LIMD2: variants seen among roughly 807,000 people sequenced by gnomAD.
LIMD2 encodes LIM domain containing 2, also known as LIM domain-containing protein 2.
In LIMD2, 11 loss-of-function variants were observed where a neutral mutation model predicts 16.0. The ratio of observed to expected loss-of-function variants is 0.69; its 90% CI spans 0.43 to 1.14. LIMD2 has a LOEUF of 1.14. Among genes scored for constraint, LIMD2 ranks in the 50% most tolerant of loss-of-function variants. The probability of loss-of-function intolerance (pLI) is 0.00; values close to 1 mark genes in which losing one functional copy is unlikely to be tolerated. For missense variants in LIMD2, 168 were observed against 165.8 expected (o/e 1.01, Z -0.07); for synonymous variants, 60 against 67.1 (o/e 0.89, Z 0.52).
At position 63,698,323 on chromosome 17, in the gene LIMD2, GA is replaced by G; in HGVS notation, c.*228del. On this transcript the variant is annotated 3_prime_UTR_variant, in exon 5 of 5. Transcript: ENST00000259006. ...TGGGGAGGGAGGCTGAACGAAGCAGGAAGCAGGGTGGTGGGCAGACCCCAAT... is the reference window on the plus strand; with the variant it reads ...TGGGGAGGGAGGCTGAACGAAGCAGGAGCAGGGTGGTGGGCAGACCCCAAT... 1.7e-6 allele frequency: 1 copy of G among 595,514 alleles called. No homozygotes were observed. The allele number at this position is 595,514 out of a possible 1,614,324, so 36.9% of individuals were successfully genotyped here. A position where few individuals can be genotyped will look rare whatever the true frequency, so the allele number is the denominator to read the frequency against.
Position 63,698,183 on chromosome 17 carries a change from G to T in LIMD2, c.*369C>A, listed in dbSNP as rs936855498. On this transcript the variant is annotated 3_prime_UTR_variant, in exon 5 of 5. Transcript: ENST00000259006. Reference sequence around the variant, plus strand: ...AGACGTGGGGGCCACACAGTCTCCGGTGGCAGTGAGGGAGCTTGGGACCCT... The same window carrying T: ...AGACGTGGGGGCCACACAGTCTCCGTTGGCAGTGAGGGAGCTTGGGACCCT... 1 of 263,434 alleles carries T rather than the reference G, an allele frequency of 3.8e-6. No homozygotes were observed. Among genetic ancestry groups the T allele is most frequent in the Non-Finnish European group, 7.4e-6 (1 of 134,340 alleles). 16.3% of individuals were successfully genotyped at this position (263,434 alleles called of 1,614,324 possible).
At position 63,698,718 on chromosome 17, in the gene LIMD2, A is replaced by G; in HGVS notation, c.225-7T>C. ...CGCGGCGTAGCTGCCCAGGCTGCAGAAGCCAAACAACGGCGTCAGGTCAGG... is the reference window on the plus strand; with the variant it reads ...CGCGGCGTAGCTGCCCAGGCTGCAGGAGCCAAACAACGGCGTCAGGTCAGG... On this transcript the variant is annotated splice_polypyrimidine_tract_variant and splice_region_variant and intron_variant, in intron 4 of 4. Coordinates refer to ENST00000259006, the MANE Select transcript of LIMD2 (RefSeq NM_030576.4). 6.2e-7 allele frequency: 1 copy of G among 1,613,396 alleles called. No individual in the cohort carries two copies. The highest frequency in any genetic ancestry group is 1.3e-5 in the African/African-American group (1 of 75,016).
Position 63,696,432 on chromosome 17 carries a change from G to A in LIMD2, c.*2120C>T, listed in dbSNP as rs1403509843. ...CAAGCAGAAGAGAACTTGACTCCAAGTAGAGGGGTCCTGGGGTGATCTGGC... is the reference window on the plus strand; with the variant it reads ...CAAGCAGAAGAGAACTTGACTCCAAATAGAGGGGTCCTGGGGTGATCTGGC... On this transcript the variant is annotated 3_prime_UTR_variant, in exon 5 of 5. Transcript: ENST00000259006. 6.6e-6 allele frequency: 1 copy of A among 152,306 alleles called. No homozygotes were observed. Among genetic ancestry groups the A allele is most frequent in the Non-Finnish European group, 1.5e-5 (1 of 68,054 alleles). The allele number at this position is 152,306 out of a possible 1,614,324, so 9.4% of individuals were successfully genotyped here. A position where few individuals can be genotyped will look rare whatever the true frequency, so the allele number is the denominator to read the frequency against.
At position 63,696,604 on chromosome 17, in the gene LIMD2, G is replaced by A. The variant is rs144691279; in HGVS notation, c.*1948C>T. 564 of 152,522 alleles carry A rather than the reference G, an allele frequency of 3.7e-3. 1 individual carries two copies. Among genetic ancestry groups the A allele is most frequent in the Non-Finnish European group, 6.7e-3 (455 of 68,206 alleles). 9.4% of individuals were successfully genotyped at this position (152,522 alleles called of 1,614,324 possible). A position where few individuals can be genotyped will look rare whatever the true frequency, so the allele number is the denominator to read the frequency against. On this transcript the variant is annotated 3_prime_UTR_variant, in exon 5 of 5. Transcript: ENST00000259006. ...GAACGTCACCAGTGGCTGAGTTCCC[G>A]GAGCTTTCATGATATTTGGTAGGGT...
chr17:63,700,160 G>GCACCGCCCCCGCCGGC, upstream of LIMD2: 1 of 982,272 alleles, frequency 1.0e-6, no homozygotes, highest in Non-Finnish European at 1.2e-6. This position sits in a 1 kb window ranked among gnomAD's most constrained non-coding sequence, Gnocchi z 7.1. Context: ...CCTTATCGCT[G>GCACCGCCCCCGCCGGC]CACCGCCCCC....
chr17:63,699,166 A>G (rs991125018), intron 2 of LIMD2, 91 bp downstream of exon 2: 2 of 1,585,846 alleles, frequency 1.3e-6, no homozygotes, highest in Non-Finnish European at 1.7e-6. Flanking sequence ...GCCGCAGGGC[A>G]CAAAGGGGGC....
chr17:63,698,751 G>A, intron 4 of LIMD2, 40 bp from the exon 5 acceptor site: 2 of 1,612,998 alleles, frequency 1.2e-6, no homozygotes, highest in East Asian at 4.5e-5. Context: ...AGGTCAGGTC[G>A]GGGCTGGGTT....
chr17:63,698,794 C>T lies in LIMD2; in HGVS notation c.224+5G>A, dbSNP rs1051552913. The T allele has an allele frequency of 1.2e-6, 2 of 1,612,570 alleles. No homozygotes were observed. The highest frequency in any genetic ancestry group is 8.5e-7 in the Non-Finnish European group (1 of 1,179,840). ...GAGGCGGGGGCGGGCAGGGCAGGGG[C>T]GCACCTGAGCTTGGTGTGACAGTGC... On this transcript the variant is annotated splice_donor_5th_base_variant and intron_variant, in intron 4 of 4. Coordinates refer to ENST00000259006, the MANE Select transcript of LIMD2 (RefSeq NM_030576.4).
Position 63,698,659 on chromosome 17 carries a change from G to C in LIMD2, c.277C>G (p.Gln93Glu), listed in dbSNP as rs1294928415. 6.2e-7 allele frequency: 1 copy of C among 1,613,812 alleles called. No individual in the cohort carries two copies. The highest frequency in any genetic ancestry group is 8.5e-7 in the Non-Finnish European group (1 of 1,180,016). Reference sequence around the variant, plus strand: ...TTGCCTTTGCTCTTAAACAGCTGCTGGAAGTGGGGTTTGCAGTAGAACTCC... The same window carrying C: ...TTGCCTTTGCTCTTAAACAGCTGCTCGAAGTGGGGTTTGCAGTAGAACTCC... ...HGEFYCKPHF[Q>E]QLFKSKGNYD... is the part of the protein sequence containing the mutation. Residue 93 changes from glutamine to glutamate, a missense_variant, in exon 5 of 5, where the codon CAG becomes GAG. Gln to Glu is a conservative substitution (Grantham distance 29). Transcript: ENST00000259006.
chr17:63,698,405 A>G lies in LIMD2; in HGVS notation c.*147T>C, dbSNP rs978021477. 6.6e-6 allele frequency: 6 copies of G among 908,810 alleles called. No individual in the cohort carries two copies. Among genetic ancestry groups the G allele is most frequent in the East Asian group, 2.6e-5 (1 of 37,764 alleles). 56.3% of individuals were successfully genotyped at this position (908,810 alleles called of 1,614,324 possible). A position where few individuals can be genotyped will look rare whatever the true frequency, so the allele number is the denominator to read the frequency against. The stretch of plus-strand genomic sequence containing the variant: ...AGAAGGAAGAAGGAAGGAGTCCTGG[A>G]GCAGAGCCCTGCCCTGGTCCCCTAC... On this transcript the variant is annotated 3_prime_UTR_variant, in exon 5 of 5. Transcript: ENST00000259006.
upstream of LIMD2, chr17:63,700,726 G>A (rs2035772739): frequency 6.6e-6 from 1 of 151,590 alleles, no homozygotes; most frequent in Admixed American, 6.6e-5. This position sits in a 1 kb window ranked among gnomAD's most constrained non-coding sequence, Gnocchi z 7.1. Context: ...GCCCCTTTGC[G>A]GCCCACGAGG....
At chr17:63,699,600 C>T in intron 1 of LIMD2, 2 of 351,892 alleles carry the variant, frequency 5.7e-6, no homozygotes, top group Non-Finnish European at 5.0e-6. Flanking sequence ...GGGGCTCCCG[C>T]GCAGCCGCCG....
chr17:63,696,363 T>C lies in LIMD2; in HGVS notation c.*2189A>G, dbSNP rs966299725. 3 of 152,460 alleles carry C rather than the reference T, an allele frequency of 2.0e-5. No homozygotes were observed. The allele number at this position is 152,460 out of a possible 1,614,324, so 9.4% of individuals were successfully genotyped here. A position where few individuals can be genotyped will look rare whatever the true frequency, so the allele number is the denominator to read the frequency against. The stretch of plus-strand genomic sequence containing the variant: ...TGGGGGGTGGAGGTAGGTTTTTGCT[T>C]AGCAGGGGCCAGGTATGGTGCCTGG... On this transcript the variant is annotated 3_prime_UTR_variant, in exon 5 of 5. Transcript: ENST00000259006.
Position 63,695,978 on chromosome 17 carries a change from G to C in LIMD2, c.*2574C>G, listed in dbSNP as rs911853760. On this transcript the variant is annotated 3_prime_UTR_variant, in exon 5 of 5. Transcript: ENST00000259006. The surrounding 1 kb of genome is among the most constrained non-coding windows in gnomAD (Gnocchi z 4.1). The stretch of plus-strand genomic sequence containing the variant: ...GCTTCAGGGTGACCTGGGCCCAAAG[G>C]TTCTGAAGGGCAGTTCCTGGCAGCC... 1 of 152,586 alleles carries C rather than the reference G, an allele frequency of 6.6e-6. No homozygotes were observed. Among genetic ancestry groups the C allele is most frequent in the Non-Finnish European group, 1.5e-5 (1 of 68,038 alleles). 9.5% of individuals were successfully genotyped at this position (152,586 alleles called of 1,614,324 possible).
At chr17:63,699,380 C>G in intron 1 of LIMD2, 32 bp from the exon 2 acceptor site, 2 of 1,511,672 alleles carry the variant, frequency 1.3e-6, no homozygotes, top group Admixed American at 2.3e-5. Context: ...GAGGGCCCCG[C>G]CAGCCCGGCC....
chr17:63,699,341 G>A lies in LIMD2; in HGVS notation c.-43C>T, dbSNP rs2035748325. 3.8e-6 allele frequency: 6 copies of A among 1,578,270 alleles called. No homozygotes were observed. The highest frequency in any genetic ancestry group is 1.3e-5 in the African/African-American group (1 of 74,146). ...AGCCTCGGGTGGAGAAGCGGCACCC[G>A]CTGGGTTCTGCAAGGGGAAGTCAGT... On this transcript the variant is annotated 5_prime_UTR_variant, in exon 2 of 5. Transcript: ENST00000259006.
rs1341100595 is a variant in LIMD2 at position 63,696,690 on chromosome 17, C to T, written c.*1862G>A. 1 of 152,224 alleles carries T rather than the reference C, an allele frequency of 6.6e-6. No individual in the cohort carries two copies. The highest frequency in any genetic ancestry group is 1.5e-5 in the Non-Finnish European group (1 of 68,078). The allele number at this position is 152,224 out of a possible 1,614,324, so 9.4% of individuals were successfully genotyped here. A position where few individuals can be genotyped will look rare whatever the true frequency, so the allele number is the denominator to read the frequency against. Reference sequence around the variant, plus strand: ...TTGCAGGGCAGGGGTCAGGTGTCTCCAAGAGCCACCTCTCCAGTACCCCCT... The same window carrying T: ...TTGCAGGGCAGGGGTCAGGTGTCTCTAAGAGCCACCTCTCCAGTACCCCCT... On this transcript the variant is annotated 3_prime_UTR_variant, in exon 5 of 5. Transcript: ENST00000259006.
rs2035726023 is a variant in LIMD2 at position 63,698,455 on chromosome 17, C to A, written c.*97G>T. On this transcript the variant is annotated 3_prime_UTR_variant, in exon 5 of 5. Transcript: ENST00000259006. ...CGCCTGAGCAAGCCTCATCCCCTTC[C>A]CACCTGGCCCCCACGCAAGCCCAGC... 2.1e-6 allele frequency: 3 copies of A among 1,402,702 alleles called. No individual in the cohort carries two copies. Among genetic ancestry groups the A allele is most frequent in the Non-Finnish European group, 2.9e-6 (3 of 1,038,562 alleles). The allele number at this position is 1,402,702 out of a possible 1,614,324, so 86.9% of individuals were successfully genotyped here. A position where few individuals can be genotyped will look rare whatever the true frequency, so the allele number is the denominator to read the frequency against.
rs529350220 is a variant in LIMD2 at position 63,699,947 on chromosome 17, C to T, written c.-51+85G>A. 1,513 of 983,732 alleles carry T rather than the reference C, an allele frequency of 1.5e-3. 26 individuals carry two copies. In the African/African-American group the frequency reaches 0.024, roughly 16 times the overall value. The allele number at this position is 983,732 out of a possible 1,614,324, so 60.9% of individuals were successfully genotyped here. ...AGAGCGGCTCGCAGACTCGCCGGGA[C>T]CCCACGGGCGGCCCTCACCCCACAC... On this transcript the variant is annotated intron_variant, in intron 1 of 4. Coordinates refer to ENST00000259006, the MANE Select transcript of LIMD2 (RefSeq NM_030576.4).
Sources: gnomAD v4.1 joint callset for allele counts on GRCh38, gnomAD v4.1.1 for gene constraint, Gnocchi (gnomAD v3.1) non-coding constraint, MANE v1.5 for transcripts, NCBI Gene and HGNC (gene_info 2026-07-23, HGNC 2026-07-21) for gene names.